Variants in IFFO1 observed in about 807,000 individuals in gnomAD.
IFFO1 encodes the protein intermediate filament family orphan 1.
A neutral mutation model predicts 59.6 loss-of-function variants in IFFO1; 42 were observed. That is an observed-to-expected ratio of 0.70 (90% confidence interval 0.55 to 0.91). IFFO1 has a LOEUF of 0.91. Ranked by LOEUF, IFFO1 falls within the 40% of genes least tolerant of loss-of-function variation. The pLI is 0.00. For missense variants in IFFO1, 711 were observed against 793.2 expected, an observed-to-expected ratio of 0.90 and a Z score of 1.24; for synonymous variants, 336 against 342.8, an observed-to-expected ratio of 0.98 and a Z score of 0.22.
chr12:6,540,372 G>A lies in IFFO1; in HGVS notation c.*111C>T. ...GAGGGAGGAGCGCCCCAGTCCCCAGGGACCGGCCTGGTGCAGAGCTGCAGC... is the reference window on the plus strand; with the variant it reads ...GAGGGAGGAGCGCCCCAGTCCCCAGAGACCGGCCTGGTGCAGAGCTGCAGC... On this transcript the variant is annotated 3_prime_UTR_variant, in exon 10 of 10. Transcript: ENST00000619571. 2.2e-6 allele frequency: 2 copies of A among 898,570 alleles called. No homozygotes were observed. The highest frequency in any genetic ancestry group is 2.7e-5 in the South Asian group (2 of 73,754). 55.7% of individuals were successfully genotyped at this position (898,570 alleles called of 1,614,324 possible).
In IFFO1 at chr12:6,541,202, A is replaced by AC. The variant is rs1318899015; in HGVS notation, c.1610+309dup. Among the ~76,000 whole-genome samples, 2 of 152,090 alleles carry AC rather than the reference A, an allele frequency of 1.3e-5. No homozygotes were observed. The highest frequency in any genetic ancestry group is 2.4e-5 in the African/African-American group (1 of 41,394). On this transcript the variant is annotated intron_variant, in intron 9 of 9. Coordinates refer to ENST00000619571, the MANE Select transcript of IFFO1 (RefSeq NM_001193457.2). This position sits in a 1 kb window ranked among gnomAD's most constrained non-coding sequence, Gnocchi z 4.8. ...GTCAAATGCACAAATCATGGCCCTG[A>AC]CTTTAGATAAAAATCTGCCCCCACA...
chr12:6,541,480 TG>T lies in IFFO1; in HGVS notation c.1610+31del. The stretch of plus-strand genomic sequence containing the variant: ...AACCTTTCTCCCCGCTGTGTCCCCC[TG>T]GAAGGCCCCATGCCCAGGGGAGGCG... On this transcript the variant is annotated intron_variant, in intron 9 of 9. Transcript: ENST00000619571. This position sits in a 1 kb window ranked among gnomAD's most constrained non-coding sequence, Gnocchi z 4.8. 1 of 1,610,954 alleles carries T rather than the reference TG, an allele frequency of 6.2e-7. No individual in the cohort carries two copies. Among genetic ancestry groups the T allele is most frequent in the Non-Finnish European group, 8.5e-7 (1 of 1,179,774 alleles).
Position 6,541,262 on chromosome 12 carries a change from C to T in IFFO1, c.1610+250G>A, listed in dbSNP as rs1166832688. Among the ~76,000 whole-genome samples, 2 of 152,208 alleles carry T rather than the reference C, an allele frequency of 1.3e-5. No individual in the cohort carries two copies. The highest frequency in any genetic ancestry group is 6.5e-5 in the Admixed American group (1 of 15,290). ...TTCCTTGCCAGTTTTTAAACTGCCT[C>T]TAACCAGGGGAACCACCAGAGCTGG... On this transcript the variant is annotated intron_variant, in intron 9 of 9. Transcript: ENST00000619571. This position sits in a 1 kb window ranked among gnomAD's most constrained non-coding sequence, Gnocchi z 4.8.
At position 6,548,645 on chromosome 12, in the gene IFFO1, G is replaced by A. The variant is rs200148540; in HGVS notation, c.1262+23C>T. 1.7e-5 allele frequency: 27 copies of A among 1,613,836 alleles called. No homozygotes were observed. Among genetic ancestry groups the A allele is most frequent in the African/African-American group, 6.7e-5 (5 of 74,920 alleles). On this transcript the variant is annotated intron_variant, in intron 6 of 9. Coordinates refer to ENST00000619571, the MANE Select transcript of IFFO1 (RefSeq NM_001193457.2). This position sits in a 1 kb window ranked among gnomAD's most constrained non-coding sequence, Gnocchi z 6.1. The stretch of plus-strand genomic sequence containing the variant: ...TGGGCTGCTGTGGCGTCGGTGCTGC[G>A]GGAGCACGGCCTGCGGACTCACAGC...
In IFFO1 at chr12:6,540,581, G is replaced by C. The variant is rs1304475509; in HGVS notation, c.1618C>G (p.Pro540Ala). The C allele has an allele frequency of 6.2e-7, 1 of 1,613,504 alleles. No individual in the cohort carries two copies. The highest frequency in any genetic ancestry group is 8.5e-7 in the Non-Finnish European group (1 of 1,179,842). The stretch of plus-strand genomic sequence containing the variant: ...CTAAGCGGGACCGCAGTGAAAGCAG[G>C]AGACTTTCTAGAAAAAAACACCAGT... ...LITQSGDRKS[P>A]AFTAVPLSDP... Residue 540 changes from proline (P) to alanine (A), a missense_variant, in exon 10 of 10, where the codon CCT (proline) becomes GCT (alanine). Physicochemically the swap from Pro to Ala is conservative, Grantham distance 27. Coordinates refer to ENST00000619571, the MANE Select transcript of IFFO1 (RefSeq NM_001193457.2).
chr12:6,553,767 G>A (rs1195398938), intron 1 of IFFO1, among the ~76,000 whole-genome samples: 1 of 152,156 alleles, frequency 6.6e-6, no homozygotes, highest in Non-Finnish European at 1.5e-5. Context: ...GCAAGTCCCT[G>A]TCTCAATATT....
chr12:6,553,331 TA>T (rs139603173), intron 1 of IFFO1, among the ~76,000 whole-genome samples: 18 of 150,028 alleles, frequency 1.2e-4, no homozygotes, highest in East Asian at 9.7e-4. Flanking sequence ...TCCTTCAGTT[TA>T]AAAAAAAAAT....
chr12:6,547,303 C>T (rs1947008752), intron 8 of IFFO1, among the ~76,000 whole-genome samples: 1 of 152,076 alleles, frequency 6.6e-6, no homozygotes, highest in East Asian at 1.9e-4. Flanking sequence ...GTCCCAGCTA[C>T]TTGGGAGGCT....
rs1230797929 is a variant in IFFO1 at position 6,550,996 on chromosome 12, TC to T, written c.778del (p.Glu260LysfsTer14). 7 of 1,614,148 alleles carry T rather than the reference TC, an allele frequency of 4.3e-6. No homozygotes were observed. The highest frequency in any genetic ancestry group is 5.9e-6 in the Non-Finnish European group (7 of 1,180,010). On this transcript the variant is annotated frameshift_variant, in exon 2 of 10. Transcript: ENST00000619571. LOFTEE classifies it high-confidence loss of function. ...CTGGATCCGCACCGTGTACTCCTCT[TC>T]CCACCTGACAGACATGGGAAGGGCG... ...RERDEYKRRW[E>X]EEYTVRIQLQ...
intron 8 of IFFO1, among the ~76,000 whole-genome samples, chr12:6,546,324 T>C (rs955159850): frequency 1.3e-5 from 2 of 152,166 alleles, no homozygotes; most frequent in East Asian, 3.8e-4. Flanking sequence ...CATGTGGGCC[T>C]GAAGAGAGGC....
At position 6,541,194 on chromosome 12, in the gene IFFO1, T is replaced by C. The variant is rs1188918572; in HGVS notation, c.1610+318A>G. On this transcript the variant is annotated intron_variant, in intron 9 of 9. Coordinates refer to ENST00000619571, the MANE Select transcript of IFFO1 (RefSeq NM_001193457.2). This position sits in a 1 kb window ranked among gnomAD's most constrained non-coding sequence, Gnocchi z 4.8. ...TACACAGGGTCAAATGCACAAATCA[T>C]GGCCCTGACTTTAGATAAAAATCTG... Among the ~76,000 whole-genome samples the C allele has an allele frequency of 6.6e-6, 1 of 152,206 alleles. No homozygotes were observed. Among genetic ancestry groups the C allele is most frequent in the African/African-American group, 2.4e-5 (1 of 41,448 alleles).
intron 1 of IFFO1, among the ~76,000 whole-genome samples, chr12:6,552,155 T>C (rs1947264328): frequency 6.6e-6 from 1 of 152,156 alleles, no homozygotes; most frequent in Non-Finnish European, 1.5e-5. Context: ...AAAATCTGAG[T>C]GGGCAGCTTC....
rs945538890 is a variant in IFFO1 at position 6,548,213 on chromosome 12, C to T, written c.1384-53G>A. On this transcript the variant is annotated intron_variant, in intron 7 of 9. Coordinates refer to ENST00000619571, the MANE Select transcript of IFFO1 (RefSeq NM_001193457.2). This position sits in a 1 kb window ranked among gnomAD's most constrained non-coding sequence, Gnocchi z 6.1. ...CCAGCCAAGGAGGGATGGGATGGGA[C>T]GCATTCCAAAGGGCCAAGTCAGGGA... The T allele has an allele frequency of 1.8e-5, 27 of 1,495,380 alleles. No homozygotes were observed. The highest frequency in any genetic ancestry group is 1.2e-4 in the African/African-American group (9 of 72,314). 92.6% of individuals were successfully genotyped at this position (1,495,380 alleles called of 1,614,324 possible).
At chr12:6,547,586 T>C (rs1395620396) in intron 8 of IFFO1, among the ~76,000 whole-genome samples, 1 of 152,000 alleles carries the variant, frequency 6.6e-6, no homozygotes, top group African/African-American at 2.4e-5. Context: ...CTGGGTATGG[T>C]GGCACACACC....
chr12:6,555,596 G>A lies in IFFO1; in HGVS notation c.434C>T (p.Pro145Leu), dbSNP rs1333834109. 2.5e-5 allele frequency: 35 copies of A among 1,410,064 alleles called. No individual in the cohort carries two copies. In the Admixed American group the frequency reaches 5.1e-4, roughly 21 times the overall value. 87.3% of individuals were successfully genotyped at this position (1,410,064 alleles called of 1,614,324 possible). Residue 145 changes from proline to leucine, a missense_variant, in exon 1 of 10, where the codon CCG becomes CTG. Pro to Leu is a moderately conservative substitution (Grantham distance 98). Coordinates refer to ENST00000619571, the MANE Select transcript of IFFO1 (RefSeq NM_001193457.2). The surrounding 1 kb of genome is among the most constrained non-coding windows in gnomAD (Gnocchi z 8.6). ...CGCCGAAGGGCTGCAGACAGCGGCC[G>A]GCCGGGCGCCCAGCTGCAGCCCCAG... ...RPLGLQLGAR[P>L]AAVCSPSARV...
At chr12:6,551,213 G>A (rs922516431) in intron 1 of IFFO1, among the ~76,000 whole-genome samples, 2 of 152,316 alleles carry the variant, frequency 1.3e-5, no homozygotes, top group Admixed American at 6.5e-5. Context: ...CGTCGAGCTC[G>A]CCAGCTGCCT....
chr12:6,554,531 G>A (rs1292096382), intron 1 of IFFO1, among the ~76,000 whole-genome samples: 4 of 152,212 alleles, frequency 2.6e-5, no homozygotes, highest in Admixed American at 1.3e-4. Context: ...CCGCCCCGCG[G>A]CCTCGCGGTC....
rs377264745 is a variant in IFFO1, at chr12:6,549,449, A to G, written c.1080+27T>C. Reference sequence around the variant, plus strand: ...GCTTAGAAACTGGGACTGGGACATTAATAAGCTTGCGTGAGATCAAACTAA... The same window carrying G: ...GCTTAGAAACTGGGACTGGGACATTGATAAGCTTGCGTGAGATCAAACTAA... On this transcript the variant is annotated intron_variant, in intron 5 of 9. Coordinates refer to ENST00000619571, the MANE Select transcript of IFFO1 (RefSeq NM_001193457.2). The surrounding 1 kb of genome is among the most constrained non-coding windows in gnomAD (Gnocchi z 5.0). 1 of 1,613,672 alleles carries G rather than the reference A, an allele frequency of 6.2e-7. No homozygotes were observed. The highest frequency in any genetic ancestry group is 1.3e-5 in the African/African-American group (1 of 74,900).
chr12:6,551,502 A>T, intron 1 of IFFO1: 1 of 1,288,366 alleles, frequency 7.8e-7, no homozygotes, highest in South Asian at 1.2e-5. Context: ...CTGTAAAAGC[A>T]TCTGCAGGAC....
Sources: allele counts gnomAD v4.1 joint callset (sites outside exome capture counted in the v4.1 genomes callset), GRCh38; gene constraint gnomAD v4.1.1; non-coding constraint Gnocchi (gnomAD v3.1); transcripts MANE v1.5; gene names NCBI Gene and HGNC (gene_info 2026-07-23, HGNC 2026-07-21).